Variants in CCNF observed in about 807,000 individuals in gnomAD.
The protein encoded by CCNF is cyclin-F.
A neutral mutation model predicts 85.4 loss-of-function variants in CCNF; 30 were observed. The ratio of observed to expected loss-of-function variants is 0.35; its 90% confidence interval spans 0.26 to 0.48. The LOEUF is 0.48. Ranked by LOEUF, CCNF falls within the 20% of genes least tolerant of loss-of-function variation. The pLI is 0.99. For missense variants in CCNF, 919 were observed against 1,010.4 expected (o/e 0.91, Z 1.23); for synonymous variants, 439 against 425.1 (o/e 1.03, Z -0.40).
At chr16:2,438,023 G>A in intron 5 of CCNF, 47 bp from the exon 6 acceptor site, 4 of 1,337,270 alleles carry the variant, frequency 3.0e-6, no homozygotes, top group Non-Finnish European at 4.3e-6. Flanking sequence ...TGGCCCCCGG[G>A]CAGTTCTCTG....
chr16:2,438,313 T>C (rs1244740838), intron 6 of CCNF, among the ~76,000 whole-genome samples, 190 bp downstream of exon 6: 1 of 152,068 alleles, frequency 6.6e-6, no homozygotes, highest in Non-Finnish European at 1.5e-5. Context: ...CCTGGCTCCA[T>C]GACCCGCCTG....
At chr16:2,443,832 AGCG>A (rs769456035) in intron 9 of CCNF, 32 bp downstream of exon 9, 8 of 1,603,128 alleles carry the variant, frequency 5.0e-6, no homozygotes, top group Non-Finnish European at 6.8e-6. Flanking sequence ...TTCTAATCAG[AGCG>A]GCGCGGAAGC....
Position 2,451,518 on chromosome 16 carries a change from T to A in CCNF, c.1487+1603T>A, listed in dbSNP as rs977415775. 2.6e-5 allele frequency among the ~76,000 whole-genome samples: 4 copies of A among 152,210 alleles called. No individual in the cohort carries two copies. Among genetic ancestry groups the A allele is most frequent in the African/African-American group, 9.6e-5 (4 of 41,462 alleles). ...GTCTCCCACTTCCCCGCTTCTGCCATGGCTTCCTTTTCCTCAGCCAAATCC... is the reference window on the plus strand; with the variant it reads ...GTCTCCCACTTCCCCGCTTCTGCCAAGGCTTCCTTTTCCTCAGCCAAATCC... On this transcript the variant is annotated intron_variant, in intron 13 of 16. Coordinates refer to ENST00000397066, the MANE Select transcript of CCNF (RefSeq NM_001761.3). This position sits in a 1 kb window ranked among gnomAD's most constrained non-coding sequence, Gnocchi z 4.3.
In CCNF at chr16:2,452,227, C is replaced by T. The variant is rs1212610059; in HGVS notation, c.1488-983C>T. ...CAGAACTCCCTGGGGGTCTCGATGCCCTTGAGCAGCCCCTTCTGTGGCCCA... is the reference window on the plus strand; with the variant it reads ...CAGAACTCCCTGGGGGTCTCGATGCTCTTGAGCAGCCCCTTCTGTGGCCCA... On this transcript the variant is annotated intron_variant, in intron 13 of 16. Transcript: ENST00000397066. This position sits in a 1 kb window ranked among gnomAD's most constrained non-coding sequence, Gnocchi z 4.1. Among the ~76,000 whole-genome samples, 1 of 152,196 alleles carries T rather than the reference C, an allele frequency of 6.6e-6. No homozygotes were observed. The highest frequency in any genetic ancestry group is 6.5e-5 in the Admixed American group (1 of 15,282).
At position 2,458,339 on chromosome 16, in the gene CCNF, T is replaced by G. The variant is rs1400933386; in HGVS notation, c.*1319T>G. ...CATGATCTCAACTCTCAACTCACTGTAACCTCCGCCTCCCGGATACTCCTG... is the reference window on the plus strand; with the variant it reads ...CATGATCTCAACTCTCAACTCACTGGAACCTCCGCCTCCCGGATACTCCTG... On this transcript the variant is annotated 3_prime_UTR_variant, in exon 17 of 17. Transcript: ENST00000397066. 2 of 151,400 alleles carry G rather than the reference T, an allele frequency of 1.3e-5. No individual in the cohort carries two copies. Among genetic ancestry groups the G allele is most frequent in the Admixed American group, 1.3e-4 (2 of 15,188 alleles). 9.4% of individuals were successfully genotyped at this position (151,400 alleles called of 1,614,324 possible).
intron 16 of CCNF, 147 bp downstream of exon 16, chr16:2,455,711 G>C: frequency 1.5e-6 from 2 of 1,344,610 alleles, no homozygotes; most frequent in South Asian, 3.7e-5. Flanking sequence ...GCCCCGCCGG[G>C]GAGTGTGTCC....
intron 11 of CCNF, 110 bp from the exon 12 acceptor site, chr16:2,449,172 A>C (rs1414490815): frequency 1.4e-6 from 2 of 1,459,586 alleles, no homozygotes; most frequent in Admixed American, 3.4e-5. Context: ...CTACGCGTGC[A>C]GCATCGGCGT....
In CCNF at chr16:2,437,218, G is replaced by C; in HGVS notation, c.436G>C (p.Ala146Pro). The C allele has an allele frequency of 6.2e-7, 1 of 1,612,766 alleles. No homozygotes were observed. The highest frequency in any genetic ancestry group is 1.7e-5 in the Admixed American group (1 of 59,994). The change falls in exon 5 of 17, where the codon GCA (alanine) becomes CCA (proline). Residue 146 changes from alanine (A) to proline (P), a missense_variant. Transcript: ENST00000397066. ...CGCTGAGCGGCTGAATGTGGGTGCCGCACCTTTCATCTGGCTCTTCATCCG... is the reference window on the plus strand; with the variant it reads ...CGCTGAGCGGCTGAATGTGGGTGCCCCACCTTTCATCTGGCTCTTCATCCG... ...SLAERLNVGA[A>P]PFIWLFIRPP...
intron 9 of CCNF, among the ~76,000 whole-genome samples, 155 bp downstream of exon 9, chr16:2,443,955 T>A (rs1387664203): frequency 1.3e-5 from 2 of 151,000 alleles, no homozygotes; most frequent in African/African-American, 4.9e-5. Flanking sequence ...AGTCTCGCTC[T>A]GTCGCCCAGG....
At chr16:2,430,376 T>G (rs996993906) in intron 1 of CCNF, among the ~76,000 whole-genome samples, 1 of 151,602 alleles carries the variant, frequency 6.6e-6, no homozygotes, top group Non-Finnish European at 1.5e-5. Flanking sequence ...GGAGTAGGAG[T>G]TGGAAAATCC....
chr16:2,434,769 C>G (rs2065279345), intron 3 of CCNF, among the ~76,000 whole-genome samples: 1 of 152,214 alleles, frequency 6.6e-6, no homozygotes, highest in Non-Finnish European at 1.5e-5. Context: ...CCATTTTCCC[C>G]ACAATCCTGG....
chr16:2,456,011 A>G lies in CCNF; in HGVS notation c.1885+447A>G, dbSNP rs2065425358. Among the ~76,000 whole-genome samples the G allele has an allele frequency of 1.3e-5, 2 of 152,218 alleles. No homozygotes were observed. The highest frequency in any genetic ancestry group is 4.1e-4 in the South Asian group (2 of 4,826). On this transcript the variant is annotated intron_variant, in intron 16 of 16. Transcript: ENST00000397066. This position sits in a 1 kb window ranked among gnomAD's most constrained non-coding sequence, Gnocchi z 4.5. The stretch of plus-strand genomic sequence containing the variant: ...ACACAGCAAGACAAAAAATTTAAAA[A>G]TTAGCTGGGCATCGTGGCGTGCGCC...
rs1267956610 is a variant in CCNF, at chr16:2,442,851, AATATATATTATATT to A, written c.778-780_778-767del. On this transcript the variant is annotated intron_variant, in intron 8 of 16. Coordinates refer to ENST00000397066, the MANE Select transcript of CCNF (RefSeq NM_001761.3). Reference sequence around the variant, plus strand: ...TGTAATATTATATTCTATTATATATAATATATATTATATTATATATATTATATTATAATTATATA... The same window carrying A: ...TGTAATATTATATTCTATTATATATAATATATATTATATTATAATTATATA... Among the ~76,000 whole-genome samples the A allele has an allele frequency of 1.9e-4, 15 of 80,498 alleles. No homozygotes were observed. In the South Asian group the frequency reaches 3.3e-3, roughly 18 times the overall value. 52.8% of individuals were successfully genotyped at this position (80,498 alleles called of 152,430 possible).
intron 16 of CCNF, 106 bp downstream of exon 16, chr16:2,455,670 G>A: frequency 6.9e-7 from 1 of 1,439,456 alleles, no homozygotes; most frequent in Non-Finnish European, 9.2e-7. Context: ...GGAGGAAGAT[G>A]TGCACAGAGT....
At chr16:2,450,457 G>A (rs2065388458) in intron 13 of CCNF, among the ~76,000 whole-genome samples, 2 of 151,064 alleles carry the variant, frequency 1.3e-5, no homozygotes, top group African/African-American at 4.9e-5. Flanking sequence ...GTTGCGGTGA[G>A]CCGAGATTGC....
At position 2,439,395 on chromosome 16, in the gene CCNF, G is replaced by A; in HGVS notation, c.637G>A (p.Ala213Thr). The A allele has an allele frequency of 6.2e-7, 1 of 1,610,534 alleles. No homozygotes were observed. Among genetic ancestry groups the A allele is most frequent in the Non-Finnish European group, 8.5e-7 (1 of 1,178,802 alleles). The part of the protein sequence containing the change: ...QQQAHDLFEE[A>T]AHQGCLTSSY... Reference sequence around the variant, plus strand: ...GCAGGCCCATGACCTGTTTGAGGAGGCTGCTCATCAGGGATGTCTGACCAG... The same window carrying A: ...GCAGGCCCATGACCTGTTTGAGGAGACTGCTCATCAGGGATGTCTGACCAG... The change falls in exon 7 of 17, where the codon GCT (alanine) becomes ACT (threonine). Residue 213 changes from alanine to threonine, a missense_variant. Ala to Thr is a moderately conservative substitution (Grantham distance 58, BLOSUM62 0). Coordinates refer to ENST00000397066, the MANE Select transcript of CCNF (RefSeq NM_001761.3).
chr16:2,445,575 G>T lies in CCNF; in HGVS notation c.1047G>T (p.Arg349=), dbSNP rs144631476. The T allele has an allele frequency of 1.2e-4, 196 of 1,613,820 alleles. No individual in the cohort carries two copies. The highest frequency in any genetic ancestry group is 1.6e-4 in the Non-Finnish European group (185 of 1,180,018). ...DRYLRRRLVP[R]YRLQLLGIAC... ...ACCTGCGGAGGAGGCTGGTGCCGCG[G>T]TACAGGCTCCAGCTGCTGGGCATCG... Residue 349 remains arginine, a synonymous_variant, in exon 10 of 17, where the codon CGG becomes CGT. Transcript: ENST00000397066.
intron 8 of CCNF, among the ~76,000 whole-genome samples, chr16:2,441,977 A>ATATT (rs1567385711): frequency 1.0e-5 from 1 of 95,854 alleles, no homozygotes; most frequent in African/African-American, 3.8e-5. Flanking sequence ...ATATATATAT[A>ATATT]TATATGTTTT....
chr16:2,445,347 T>C (rs759831838), intron 9 of CCNF, 111 bp from the exon 10 acceptor site: 2 of 1,268,336 alleles, frequency 1.6e-6, no homozygotes, highest in Middle Eastern at 2.0e-4. Context: ...AAACCCATGA[T>C]TCCAGAGCTA....
Sources: allele counts gnomAD v4.1 joint callset (sites outside exome capture counted in the v4.1 genomes callset), GRCh38; gene constraint gnomAD v4.1.1; non-coding constraint Gnocchi (gnomAD v3.1); transcripts MANE v1.5; gene names NCBI Gene and HGNC (gene_info 2026-07-23, HGNC 2026-07-21).